ADGRL1: variants seen among roughly 807,000 people sequenced by gnomAD.
ADGRL1 encodes the protein CIRL-1.
In ADGRL1, 31 loss-of-function variants were observed where a neutral mutation model predicts 148.9. That is an observed-to-expected ratio of 0.21 (90% CI 0.16 to 0.28). The LOEUF (loss-of-function observed/expected upper bound fraction) is 0.28, where lower values mean the gene tolerates loss of function less well. Among genes scored for constraint, ADGRL1 ranks in the 10% least tolerant of loss-of-function variants. The pLI, the probability that ADGRL1 is intolerant of heterozygous loss-of-function variation, is 1.00. For synonymous variants in ADGRL1, 937 were observed against 900.3 expected (o/e 1.04, Z -0.73); for missense variants, 1,521 against 2,058.8 (o/e 0.74, Z 5.05).
intron 1 of ADGRL1, among the ~76,000 whole-genome samples, chr19:14,195,010 G>A (rs367751438): frequency 1.3e-5 from 2 of 151,422 alleles, no homozygotes; most frequent in South Asian, 2.1e-4. Flanking sequence ...TCAGCCTCCC[G>A]AGTAGCTGGG....
intron 2 of ADGRL1, among the ~76,000 whole-genome samples, chr19:14,183,168 A>G (rs1258609434): frequency 6.6e-6 from 1 of 151,250 alleles, no homozygotes; most frequent in Non-Finnish European, 1.5e-5. Flanking sequence ...CCTTCTTCCC[A>G]GTGAGAGCCT....
chr19:14,196,352 C>T (rs1305337954), intron 1 of ADGRL1, among the ~76,000 whole-genome samples: 2 of 152,216 alleles, frequency 1.3e-5, no homozygotes, highest in South Asian at 2.1e-4. Flanking sequence ...GATGTGGCGG[C>T]GCACACCTGT....
chr19:14,204,601 C>G (rs1972837437), intron 1 of ADGRL1, among the ~76,000 whole-genome samples: 1 of 151,806 alleles, frequency 6.6e-6, no homozygotes. Flanking sequence ...TCAGGTGTGC[C>G]CCACTGGATC....
At chr19:14,203,943 T>G (rs1972786558) in intron 1 of ADGRL1, among the ~76,000 whole-genome samples, 2 of 150,446 alleles carry the variant, frequency 1.3e-5, no homozygotes, top group African/African-American at 2.5e-5. Flanking sequence ...ATGAGGGAGG[T>G]CACCAAGCTG....
chr19:14,172,278 C>T (rs915821439), intron 3 of ADGRL1, among the ~76,000 whole-genome samples: 1 of 152,086 alleles, frequency 6.6e-6, no homozygotes, highest in Non-Finnish European at 1.5e-5. Flanking sequence ...AAAAACTAGC[C>T]AGGCGTGGTG....
At position 14,170,770 on chromosome 19, in the gene ADGRL1, G is replaced by A. The variant is rs147877654; in HGVS notation, c.306C>T (p.Cys102=). Residue 102 remains cysteine, a synonymous_variant, in exon 4 of 23, where the codon TGC becomes TGT. Coordinates refer to ENST00000361434, the MANE Select transcript of ADGRL1 (RefSeq NM_014921.5). ...MSQRCNNRTQ[C]VVVAGSDAFP... ...AGGCATCCGAGCCGGCGACCACCAC[G>A]CACTGGGTGCGGTTGTTACACCTTC... The A allele has an allele frequency of 1.7e-3, 2,657 of 1,607,258 alleles. 7 individuals carry two copies. The highest frequency in any genetic ancestry group is 3.8e-3 in the Middle Eastern group (23 of 6,040).
chr19:14,148,613 G>A lies in ADGRL1; in HGVS notation c.*2260C>T, dbSNP rs1174084435. 1 of 152,708 alleles carries A rather than the reference G, an allele frequency of 6.5e-6. No individual in the cohort carries two copies. Among genetic ancestry groups the A allele is most frequent in the Non-Finnish European group, 1.5e-5 (1 of 68,152 alleles). The allele number at this position is 152,708 out of a possible 1,614,324, so 9.5% of individuals were successfully genotyped here. A position where few individuals can be genotyped will look rare whatever the true frequency, so the allele number is the denominator to read the frequency against. ...GGGAAGGGCCATGGAACTGTCCCTT[G>A]CCCTCCTCAGAGTCGTCTGGCAAGA... On this transcript the variant is annotated 3_prime_UTR_variant, in exon 23 of 23. Coordinates refer to ENST00000361434, the MANE Select transcript of ADGRL1 (RefSeq NM_014921.5).
chr19:14,188,158 G>C (rs1447208401), intron 1 of ADGRL1, among the ~76,000 whole-genome samples: 4 of 152,178 alleles, frequency 2.6e-5, no homozygotes, highest in Non-Finnish European at 5.9e-5. Flanking sequence ...TGTGTGGGCA[G>C]CGAATCCACA....
At chr19:14,170,561 GCTGTCCCCA>G (rs1970381765) in intron 4 of ADGRL1, 112 bp downstream of exon 4, 1 of 630,240 alleles carries the variant, frequency 1.6e-6, no homozygotes, top group Admixed American at 2.5e-5. Flanking sequence ...AGCAGGCCCG[GCTGTCCCCA>G]CTGTGCCCAG....
chr19:14,165,528 C>T (rs1281079773), intron 4 of ADGRL1, among the ~76,000 whole-genome samples: 1 of 152,132 alleles, frequency 6.6e-6, no homozygotes, highest in African/African-American at 2.4e-5. Flanking sequence ...ACAGCAAGGA[C>T]CCTTCACCAG....
At chr19:14,175,667 T>G (rs1003793660) in intron 3 of ADGRL1, among the ~76,000 whole-genome samples, 2 of 151,902 alleles carry the variant, frequency 1.3e-5, no homozygotes, top group Non-Finnish European at 2.9e-5. Flanking sequence ...CACCTACACC[T>G]GTTCACATAC....
At chr19:14,178,702 A>G (rs113832099) in intron 2 of ADGRL1, among the ~76,000 whole-genome samples, 1 of 152,246 alleles carries the variant, frequency 6.6e-6, no homozygotes, top group African/African-American at 2.4e-5. Flanking sequence ...ATTGTTTCAT[A>G]GAAATGGGTC....
chr19:14,195,777 C>T (rs1312789857), intron 1 of ADGRL1, among the ~76,000 whole-genome samples: 2 of 152,158 alleles, frequency 1.3e-5, no homozygotes, highest in East Asian at 3.9e-4. Context: ...CCTATTTCCC[C>T]ATTGCTGCTC....
intron 1 of ADGRL1, among the ~76,000 whole-genome samples, chr19:14,200,995 G>A (rs187199501): frequency 2.8e-4 from 42 of 152,308 alleles, no homozygotes; most frequent in Admixed American, 1.2e-3. Flanking sequence ...AGCAATGTCT[G>A]GAGACTTTCT....
At position 14,157,245 on chromosome 19, in the gene ADGRL1, G is replaced by A. The variant is rs1385502721; in HGVS notation, c.2745+6C>T. ...GGCCGTCACCTGCCCTAGAGTCCCA[G>A]CCCACCTCATACTGAGTCTTGTCGA... is the stretch of plus-strand genomic sequence containing the variant. On this transcript the variant is annotated splice_donor_region_variant and intron_variant, in intron 14 of 22. Transcript: ENST00000361434. This position sits in a 1 kb window ranked among gnomAD's most constrained non-coding sequence, Gnocchi z 7.5. 1 of 1,614,056 alleles carries A rather than the reference G, an allele frequency of 6.2e-7. No homozygotes were observed. Among genetic ancestry groups the A allele is most frequent in the East Asian group, 2.2e-5 (1 of 44,886 alleles).
chr19:14,202,663 G>A (rs1269208970), intron 1 of ADGRL1, among the ~76,000 whole-genome samples: 1 of 152,074 alleles, frequency 6.6e-6, no homozygotes, highest in Non-Finnish European at 1.5e-5. Context: ...GCTGGGTGGG[G>A]AGGCAAGTGT....
rs553094319 is a variant in ADGRL1, at chr19:14,150,469, G to A, written c.*404C>T. 22 of 183,668 alleles carry A rather than the reference G, an allele frequency of 1.2e-4. No individual in the cohort carries two copies. Among genetic ancestry groups the A allele is most frequent in the Non-Finnish European group, 1.5e-4 (13 of 87,772 alleles). 11.4% of individuals were successfully genotyped at this position (183,668 alleles called of 1,614,324 possible). A position where few individuals can be genotyped will look rare whatever the true frequency, so the allele number is the denominator to read the frequency against. Reference sequence around the variant, plus strand: ...GCAGCTAACAGGTTCCATCCAGTGGGGGCCTTTGGCAACCTCAGAAGCTGC... The same window carrying A: ...GCAGCTAACAGGTTCCATCCAGTGGAGGCCTTTGGCAACCTCAGAAGCTGC... On this transcript the variant is annotated 3_prime_UTR_variant, in exon 23 of 23. Coordinates refer to ENST00000361434, the MANE Select transcript of ADGRL1 (RefSeq NM_014921.5).
intron 1 of ADGRL1, among the ~76,000 whole-genome samples, chr19:14,185,024 C>A (rs1971496904): frequency 6.6e-6 from 1 of 152,122 alleles, no homozygotes; most frequent in South Asian, 2.1e-4. Flanking sequence ...CTTAAGGGAT[C>A]TTCCTGCCTG....
chr19:14,204,986 T>C (rs951167511), intron 1 of ADGRL1, among the ~76,000 whole-genome samples: 1 of 151,626 alleles, frequency 6.6e-6, no homozygotes, highest in African/African-American at 2.4e-5. Context: ...TCCAGGCAGG[T>C]ACAGTGAGGT....
Sources: gnomAD v4.1 joint callset for allele counts (sites outside exome capture counted in the v4.1 genomes callset) on GRCh38, gnomAD v4.1.1 for gene constraint, Gnocchi (gnomAD v3.1) non-coding constraint, MANE v1.5 for transcripts, NCBI Gene and HGNC (gene_info 2026-07-23, HGNC 2026-07-21) for gene names.